CPNE4: variants seen among roughly 807,000 people sequenced by gnomAD.
CPNE4 encodes the protein copine 4.
Under a neutral mutation model 67.9 loss-of-function variants are expected in CPNE4, and 25 were observed. The ratio of observed to expected loss-of-function variants is 0.37; its 90% confidence interval spans 0.27 to 0.51. The LOEUF (loss-of-function observed/expected upper bound fraction) is 0.51, where lower values mean the gene tolerates loss of function less well. Among genes scored for constraint, CPNE4 ranks in the 20% least tolerant of loss-of-function variants. The probability of loss-of-function intolerance (pLI) is 0.93; values close to 1 mark genes in which losing one functional copy is unlikely to be tolerated. For missense variants in CPNE4, 464 were observed against 690.8 expected, an observed-to-expected ratio of 0.67 and a Z score of 3.68; for synonymous variants, 242 against 244.9, an observed-to-expected ratio of 0.99 and a Z score of 0.11.
chr3:131,812,843 G>A (rs1378807666), intron 2 of CPNE4, among the ~76,000 whole-genome samples: 1 of 152,110 alleles, frequency 6.6e-6, no homozygotes, highest in Non-Finnish European at 1.5e-5. Context: ...TCACAAAAAG[G>A]GAAACATTTG....
chr3:131,664,643 G>A (rs1447613246), intron 7 of CPNE4, among the ~76,000 whole-genome samples: 1 of 152,094 alleles, frequency 6.6e-6, no homozygotes, highest in East Asian at 1.9e-4. Context: ...TAAAATAGAG[G>A]CAGTGCAATC....
chr3:131,580,387 TCTATAC>T (rs1263149544), intron 9 of CPNE4, among the ~76,000 whole-genome samples: 5,035 of 143,840 alleles, frequency 0.035, 299 homozygotes, highest in African/African-American at 0.12. Flanking sequence ...GACATTGGCC[TCTATAC>T]ATATACATAT....
chr3:131,986,853 C>CAAAAAAAAAA (rs1301527604), intron 1 of CPNE4, among the ~76,000 whole-genome samples: 2 of 101,680 alleles, frequency 2.0e-5, no homozygotes, highest in African/African-American at 4.3e-5. Flanking sequence ...CAAAAAAAAA[C>CAAAAAAAAAA]AAAAACAAAC....
At chr3:131,574,993 TA>T in intron 10 of CPNE4, 77 bp downstream of exon 10, 1 of 1,222,090 alleles carries the variant, frequency 8.2e-7, no homozygotes, top group Non-Finnish European at 1.2e-6. Context: ...TTTGTCTCTT[TA>T]TCCCCCAAAC....
rs573506283 is a variant in CPNE4, at chr3:131,617,303, C to T, written c.682-29721G>A. Among the ~76,000 whole-genome samples, 3 of 152,188 alleles carry T rather than the reference C, an allele frequency of 2.0e-5. No homozygotes were observed. The South Asian group carries it at 6.2e-4, about 32-fold the overall frequency. ...AAAGCCTTGCTCTACCTGCTCTTAG[C>T]TCAGATGCAGTAAAAAATTCATCTT... is the stretch of plus-strand genomic sequence containing the variant. On this transcript the variant is annotated intron_variant, in intron 7 of 15. Coordinates refer to ENST00000429747, the MANE Select transcript of CPNE4 (RefSeq NM_130808.3).
chr3:131,858,210 T>A (rs1400792162), intron 2 of CPNE4, among the ~76,000 whole-genome samples: 2 of 152,122 alleles, frequency 1.3e-5, no homozygotes, highest in South Asian at 4.1e-4. Flanking sequence ...ATCCATTGCA[T>A]TGAACAGGTA....
intron 1 of CPNE4, among the ~76,000 whole-genome samples, chr3:131,950,777 A>T (rs2071698688): frequency 6.6e-6 from 1 of 152,174 alleles, no homozygotes; most frequent in Admixed American, 6.5e-5. Context: ...TACCTATTTC[A>T]CTTCTACCCT....
rs755946948 is a variant in CPNE4, at chr3:131,564,278, G to A, written c.999C>T (p.Tyr333=). ...NSCSLHYIHP[Y]QPNEYLKALV... is the part of the protein sequence containing the mutation. ...AAGCTTTCAGATACTCATTGGGTTG[G>A]TAAGGGTGGATGTAGTGCAAGGAAC... Residue 333 remains tyrosine, a synonymous_variant, in exon 11 of 16, where the codon TAC becomes TAT. Transcript: ENST00000429747. The A allele has an allele frequency of 8.1e-6, 13 of 1,613,042 alleles. No homozygotes were observed. The highest frequency in any genetic ancestry group is 1.1e-5 in the Non-Finnish European group (13 of 1,179,330).
At chr3:131,981,515 C>G (rs940298401) in intron 1 of CPNE4, among the ~76,000 whole-genome samples, 1 of 152,108 alleles carries the variant, frequency 6.6e-6, no homozygotes, top group Non-Finnish European at 1.5e-5. Context: ...CCCACACAAA[C>G]TGAAGAGCCA....
chr3:132,016,665 T>C (rs530325706), intron 1 of CPNE4, among the ~76,000 whole-genome samples: 2 of 152,290 alleles, frequency 1.3e-5, no homozygotes, highest in East Asian at 1.9e-4. Flanking sequence ...GGATTGAAAT[T>C]TTCTCTCCTC....
At chr3:131,808,691 A>G (rs1404298032) in intron 2 of CPNE4, among the ~76,000 whole-genome samples, 2 of 152,226 alleles carry the variant, frequency 1.3e-5, no homozygotes, top group Non-Finnish European at 2.9e-5. Flanking sequence ...TTAGGGAAAA[A>G]GCAGTAAAGA....
chr3:131,753,397 A>C (rs936190856), intron 2 of CPNE4, among the ~76,000 whole-genome samples: 1 of 152,140 alleles, frequency 6.6e-6, no homozygotes, highest in Non-Finnish European at 1.5e-5. Flanking sequence ...GTCTAGAAAC[A>C]TAGAAGTTTT....
At chr3:131,952,238 G>T (rs1234721011) in intron 1 of CPNE4, among the ~76,000 whole-genome samples, 1 of 150,666 alleles carries the variant, frequency 6.6e-6, no homozygotes, top group East Asian at 2.1e-4. Flanking sequence ...TGTGAGGAGC[G>T]CCTCTGCCCG....
chr3:131,797,935 T>C lies in CPNE4; in HGVS notation c.181-74310A>G, dbSNP rs148489027. On this transcript the variant is annotated intron_variant, in intron 2 of 15. Coordinates refer to ENST00000429747, the MANE Select transcript of CPNE4 (RefSeq NM_130808.3). ...TCTGGAGGCTGGCAAGTACAAGATA[T>C]AGGTACCCGCCAATTTGGTTCCCAG... 6.8e-3 allele frequency among the ~76,000 whole-genome samples: 1,037 copies of C among 152,266 alleles called. 13 individuals are homozygous for C. The highest frequency in any genetic ancestry group is 0.023 in the African/African-American group (958 of 41,552).
At chr3:131,742,161 A>T (rs2082373241) in intron 2 of CPNE4, among the ~76,000 whole-genome samples, 1 of 152,162 alleles carries the variant, frequency 6.6e-6, no homozygotes. Flanking sequence ...TAACATTTGA[A>T]TCTGTAGACT....
chr3:131,575,194 G>A lies in CPNE4; in HGVS notation c.868-64C>T. 4.9e-6 allele frequency: 7 copies of A among 1,421,972 alleles called. No individual in the cohort carries two copies. The Admixed American group carries it at 1.0e-4, about 21-fold the overall frequency. 88.1% of individuals were successfully genotyped at this position (1,421,972 alleles called of 1,614,324 possible). A position where few individuals can be genotyped will look rare whatever the true frequency, so the allele number is the denominator to read the frequency against. On this transcript the variant is annotated intron_variant, in intron 9 of 15. Coordinates refer to ENST00000429747, the MANE Select transcript of CPNE4 (RefSeq NM_130808.3). ...ACAGTCTATTTCCTGATATATTGGA[G>A]GCCTAAAGGTTGGTGACTGATAAGC...
chr3:131,891,420 G>GA (rs1167240094), intron 2 of CPNE4, among the ~76,000 whole-genome samples: 4 of 149,978 alleles, frequency 2.7e-5, no homozygotes, highest in African/African-American at 9.8e-5. Context: ...CAAGCTACGA[G>GA]TTTTTTTTTT....
At chr3:131,874,321 C>T (rs1367021863) in intron 2 of CPNE4, among the ~76,000 whole-genome samples, 2 of 152,168 alleles carry the variant, frequency 1.3e-5, no homozygotes, top group African/African-American at 2.4e-5. Flanking sequence ...ATCTCCTGAC[C>T]TTATGATTCG....
chr3:131,970,322 G>C (rs1447479767), intron 1 of CPNE4, among the ~76,000 whole-genome samples: 1 of 152,180 alleles, frequency 6.6e-6, no homozygotes, highest in Non-Finnish European at 1.5e-5. Flanking sequence ...AGCTTTTCTT[G>C]TACAAGTCAC....
Sources: gnomAD v4.1 joint callset for allele counts (sites outside exome capture counted in the v4.1 genomes callset) on GRCh38, gnomAD v4.1.1 for gene constraint, MANE v1.5 for transcripts, NCBI Gene and HGNC (gene_info 2026-07-23, HGNC 2026-07-21) for gene names.